Variants in RFX3 observed in about 807,000 individuals in gnomAD.
RFX3 encodes regulatory factor X3.
In RFX3, 14 loss-of-function variants were observed where a neutral mutation model predicts 98.6. That is an observed-to-expected ratio of 0.14 (90% CI 0.09 to 0.22). The LOEUF is 0.22. RFX3 is among the 10% of genes least tolerant of loss of function. RFX3 has a pLI of 1.00. For missense variants in RFX3, 639 were observed against 926.9 expected, an observed-to-expected ratio of 0.69 and a Z score of 4.03; for synonymous variants, 383 against 328.4, an observed-to-expected ratio of 1.17 and a Z score of -1.80.
intron 1 of RFX3, among the ~76,000 whole-genome samples, chr9:3,493,454 G>T (rs996801672): frequency 2.0e-5 from 3 of 151,964 alleles, no homozygotes; most frequent in Non-Finnish European, 4.4e-5. Context: ...GGAGGCCGAG[G>T]CAGGCAGATC....
At chr9:3,274,490 T>C (rs761718253) in intron 9 of RFX3, among the ~76,000 whole-genome samples, 1 of 152,164 alleles carries the variant, frequency 6.6e-6, no homozygotes, top group Non-Finnish European at 1.5e-5. Flanking sequence ...TACATTAATG[T>C]GCTGGCATGC....
intron 1 of RFX3, among the ~76,000 whole-genome samples, chr9:3,432,269 T>C (rs73385696): frequency 0.011 from 1,703 of 152,190 alleles, 32 homozygotes; most frequent in African/African-American, 0.039. Flanking sequence ...ATCAAACTGA[T>C]CTACTTGCCC....
At chr9:3,236,540 C>G (rs1586680655) in intron 15 of RFX3, among the ~76,000 whole-genome samples, 1 of 152,288 alleles carries the variant, frequency 6.6e-6, no homozygotes, top group African/African-American at 2.4e-5. Flanking sequence ...CCCCAAAGAC[C>G]TTGGAAAGCC....
intron 15 of RFX3, among the ~76,000 whole-genome samples, chr9:3,230,667 T>C (rs1449810494): frequency 1.3e-5 from 2 of 152,216 alleles, no homozygotes; most frequent in Non-Finnish European, 2.9e-5. Flanking sequence ...CAGTTATTAC[T>C]AACTGACATA....
intron 1 of RFX3, among the ~76,000 whole-genome samples, chr9:3,399,221 G>C (rs1841226310): frequency 6.6e-6 from 1 of 150,750 alleles, no homozygotes; most frequent in Non-Finnish European, 1.5e-5. Flanking sequence ...AATCACCTGA[G>C]GTCAGGAGTT....
chr9:3,514,486 G>C (rs973959083), intron 1 of RFX3, among the ~76,000 whole-genome samples: 15 of 151,838 alleles, frequency 9.9e-5, no homozygotes, highest in African/African-American at 3.4e-4. Flanking sequence ...TTTTGAGACA[G>C]GGTTTCCCTC....
intron 13 of RFX3, among the ~76,000 whole-genome samples, chr9:3,262,348 TA>T (rs1823020762): frequency 6.6e-6 from 1 of 152,182 alleles, no homozygotes; most frequent in African/African-American, 2.4e-5. Context: ...ATCACAAGGT[TA>T]AAAAATATTT....
At chr9:3,331,447 G>T (rs1832591041) in intron 3 of RFX3, among the ~76,000 whole-genome samples, 1 of 151,838 alleles carries the variant, frequency 6.6e-6, no homozygotes, top group Non-Finnish European at 1.5e-5. Context: ...AATATATATA[G>T]AACAGGTTTT....
intron 1 of RFX3, chr9:3,452,285 T>A (rs1486701947): frequency 9.3e-6 from 2 of 215,376 alleles, no homozygotes; most frequent in Non-Finnish European, 2.1e-5. Flanking sequence ...TGCTCAAATG[T>A]CATTTTTTAA....
chr9:3,377,136 C>T (rs1284114081), intron 2 of RFX3, among the ~76,000 whole-genome samples: 1 of 152,198 alleles, frequency 6.6e-6, no homozygotes, highest in African/African-American at 2.4e-5. Context: ...TATAAAGACA[C>T]ATGCACACGT....
intron 2 of RFX3, among the ~76,000 whole-genome samples, chr9:3,367,881 T>C (rs1322329384): frequency 6.6e-6 from 1 of 152,172 alleles, no homozygotes; most frequent in African/African-American, 2.4e-5. Context: ...TCAAAGTCAA[T>C]GAGTAAAGTA....
At chr9:3,405,709 G>C (rs1490138293) in intron 1 of RFX3, among the ~76,000 whole-genome samples, 1 of 152,004 alleles carries the variant, frequency 6.6e-6, no homozygotes, top group Non-Finnish European at 1.5e-5. Flanking sequence ...TACTGAGTCT[G>C]CTTCCTAATT....
intron 1 of RFX3, among the ~76,000 whole-genome samples, chr9:3,480,705 T>C (rs1403609067): frequency 2.0e-5 from 3 of 152,196 alleles, no homozygotes; most frequent in Non-Finnish European, 4.4e-5. Flanking sequence ...AAGTGGAACC[T>C]GTTAATCACT....
At chr9:3,419,969 T>A (rs1843304660) in intron 1 of RFX3, among the ~76,000 whole-genome samples, 1 of 152,166 alleles carries the variant, frequency 6.6e-6, no homozygotes. Context: ...ATCAATCAGC[T>A]TTTTCTCCTC....
intron 1 of RFX3, chr9:3,452,334 TA>T (rs1846722087): frequency 3.2e-6 from 1 of 316,586 alleles, no homozygotes; most frequent in Middle Eastern, 6.8e-4. Flanking sequence ...CTCATGCCTG[TA>T]ATCTCAGTGC....
chr9:3,445,672 T>C (rs1012442899), intron 1 of RFX3, among the ~76,000 whole-genome samples: 6 of 152,198 alleles, frequency 3.9e-5, no homozygotes, highest in Non-Finnish European at 5.9e-5. Flanking sequence ...CCAGTTTTGA[T>C]GGCTTTCGTG....
At chr9:3,524,872 CACA>C (rs1564205534) in intron 1 of RFX3, among the ~76,000 whole-genome samples, 17 of 104,900 alleles carry the variant, frequency 1.6e-4, no homozygotes, top group African/African-American at 8.0e-4. Flanking sequence ...CACACACACA[CACA>C]CACCAAAGAA....
At chr9:3,342,613 C>A (rs1834013685) in intron 3 of RFX3, among the ~76,000 whole-genome samples, 2 of 151,586 alleles carry the variant, frequency 1.3e-5, no homozygotes, top group South Asian at 2.1e-4. Flanking sequence ...GATGTAGGAG[C>A]GAGTGGGGGA....
intron 2 of RFX3, among the ~76,000 whole-genome samples, chr9:3,385,545 T>TA (rs1269811083): frequency 6.6e-6 from 1 of 151,744 alleles, no homozygotes; most frequent in Non-Finnish European, 1.5e-5. Context: ...CCGTCTCTAC[T>TA]AAAAGTACAA....
Sources: gnomAD v4.1 joint callset for allele counts (sites outside exome capture counted in the v4.1 genomes callset) on GRCh38, gnomAD v4.1.1 for gene constraint, MANE v1.5 for transcripts, NCBI Gene and HGNC (gene_info 2026-07-23, HGNC 2026-07-21) for gene names.